Variants in TRAPPC12 observed in about 807,000 individuals in gnomAD.
TRAPPC12 encodes the protein TPR repeat protein 15.
TRAPPC12 carries 61 observed loss-of-function variants against 69.2 expected under a neutral mutation model. The observed-to-expected ratio is 0.88, with a 90% confidence interval of 0.72 to 1.09. The LOEUF (loss-of-function observed/expected upper bound fraction) is 1.09. Among genes scored for constraint, TRAPPC12 ranks in the 50% least tolerant of loss-of-function variants. The probability of loss-of-function intolerance (pLI) is 0.00; values close to 1 mark genes in which losing one functional copy is unlikely to be tolerated. For missense variants in TRAPPC12, 1,101 were observed against 1,016.4 expected, an observed-to-expected ratio of 1.08 and a Z score of -1.13; for synonymous variants, 469 against 438.9, an observed-to-expected ratio of 1.07 and a Z score of -0.86.
At chr2:3,476,038 CTT>C (rs1666279648) in intron 9 of TRAPPC12, among the ~76,000 whole-genome samples, 1 of 151,938 alleles carries the variant, frequency 6.6e-6, no homozygotes, top group Non-Finnish European at 1.5e-5. Context: ...CCTTCGGTTT[CTT>C]TTTAGTCCGC....
intron 7 of TRAPPC12, chr2:3,458,143 G>A: frequency 9.8e-7 from 1 of 1,015,392 alleles, no homozygotes; most frequent in Non-Finnish European, 1.2e-6. Flanking sequence ...CCTGGGGCAG[G>A]CTGAGGGACC....
chr2:3,479,141 G>A (rs13431788), intron 11 of TRAPPC12, 78 bp from the exon 12 acceptor site: 401,541 of 1,562,256 alleles, frequency 0.26, 53,059 homozygotes, highest in East Asian at 0.43. Context: ...CCCCTAACAC[G>A]GCCCAGCACG....
intron 1 of TRAPPC12, among the ~76,000 whole-genome samples, chr2:3,383,105 A>G (rs576988164): frequency 5.3e-5 from 8 of 152,172 alleles, no homozygotes; most frequent in African/African-American, 1.9e-4. Context: ...TACCTCTTTC[A>G]GCTCTGTTGC....
intron 1 of TRAPPC12, among the ~76,000 whole-genome samples, chr2:3,380,795 A>G (rs1660172546): frequency 6.6e-6 from 1 of 152,184 alleles, no homozygotes; most frequent in Non-Finnish European, 1.5e-5. Flanking sequence ...TAAAATGATA[A>G]TTACTATGCT....
intron 6 of TRAPPC12, among the ~76,000 whole-genome samples, chr2:3,447,719 C>A (rs1023568829): frequency 9.2e-5 from 14 of 152,238 alleles, no homozygotes; most frequent in African/African-American, 3.4e-4. Context: ...TAAAAGCCAG[C>A]CCACCACTAT....
At position 3,388,154 on chromosome 2, in the gene TRAPPC12, G is replaced by A. The variant is rs1241023786; in HGVS notation, c.531G>A (p.Pro177=). ...APPASGDGFE[P]QMVKSPSFGG... ...CAGCCTCCGGGGACGGCTTCGAGCC[G>A]CAGATGGTGAAGTCGCCCAGCTTCG... The change falls in exon 2 of 12, where the codon CCG becomes CCA. Residue 177 remains proline, a synonymous_variant. Coordinates refer to ENST00000324266, the MANE Select transcript of TRAPPC12 (RefSeq NM_016030.6). 3 of 1,605,100 alleles carry A rather than the reference G, an allele frequency of 1.9e-6. No individual in the cohort carries two copies. In the East Asian group the frequency reaches 6.8e-5, roughly 36 times the overall value.
chr2:3,448,319 T>C (rs1478458130), intron 6 of TRAPPC12, among the ~76,000 whole-genome samples: 11 of 152,204 alleles, frequency 7.2e-5, no homozygotes, highest in Admixed American at 5.9e-4. Context: ...ATTGTGGTTT[T>C]TTCCTCCAAA....
Position 3,387,882 on chromosome 2 carries a change from C to G in TRAPPC12, c.259C>G (p.Arg87Gly). The G allele has an allele frequency of 6.3e-7, 1 of 1,581,006 alleles. No homozygotes were observed. Among genetic ancestry groups the G allele is most frequent in the Non-Finnish European group, 8.6e-7 (1 of 1,160,750 alleles). ...NSEGDAGDLG[R>G]VRDEAEPGGE... ...CGAGGGCGACGCGGGCGACCTGGGC[C>G]GAGTGCGGGACGAAGCTGAGCCCGG... Residue 87 changes from arginine (R) to glycine (G), a missense_variant, in exon 2 of 12, where the codon CGA becomes GGA. By Grantham distance (125) the Arg-to-Gly change is moderately radical (BLOSUM62 -2). Transcript: ENST00000324266.
At chr2:3,436,076 G>C (rs528309621) in intron 5 of TRAPPC12, among the ~76,000 whole-genome samples, 6 of 152,160 alleles carry the variant, frequency 3.9e-5, no homozygotes, top group Non-Finnish European at 8.8e-5. Context: ...TGGAGGGCAG[G>C]CCCTGATGCA....
intron 2 of TRAPPC12, 61 bp from the exon 3 acceptor site, chr2:3,401,716 G>C: frequency 8.5e-7 from 1 of 1,175,016 alleles, no homozygotes; most frequent in Non-Finnish European, 1.2e-6. Flanking sequence ...TATGGGTTCT[G>C]GTTAGCTGAG....
chr2:3,462,614 C>T (rs10198978), intron 8 of TRAPPC12, among the ~76,000 whole-genome samples: 19,144 of 152,248 alleles, frequency 0.13, 3,357 homozygotes, highest in African/African-American at 0.39. Flanking sequence ...TGTATTCATA[C>T]GTTTTAGCCC....
intron 8 of TRAPPC12, among the ~76,000 whole-genome samples, chr2:3,463,405 C>A (rs892488180): frequency 8.6e-5 from 13 of 151,384 alleles, no homozygotes; most frequent in Non-Finnish European, 1.5e-4. Flanking sequence ...GGTGCAGGGG[C>A]CCCCGAGATC....
chr2:3,445,353 C>T (rs1222737231), intron 6 of TRAPPC12, among the ~76,000 whole-genome samples: 1 of 152,164 alleles, frequency 6.6e-6, no homozygotes, highest in Non-Finnish European at 1.5e-5. Context: ...CCACTGCACT[C>T]CAGTCTGGGC....
At chr2:3,478,213 G>A (rs749573757) in intron 10 of TRAPPC12, 17 of 161,418 alleles carry the variant, frequency 1.1e-4, no homozygotes, top group Non-Finnish European at 1.7e-4. Flanking sequence ...GCGAGTGCAC[G>A]TTCGTGAGGA....
intron 3 of TRAPPC12, among the ~76,000 whole-genome samples, chr2:3,411,443 A>T (rs1662053180): frequency 6.6e-6 from 1 of 152,228 alleles, no homozygotes; most frequent in African/African-American, 2.4e-5. Flanking sequence ...AAGTTCCTGT[A>T]TCTAAAAGAG....
chr2:3,470,798 T>C (rs1205066367), intron 9 of TRAPPC12, among the ~76,000 whole-genome samples: 2 of 151,840 alleles, frequency 1.3e-5, no homozygotes, highest in Non-Finnish European at 2.9e-5. Flanking sequence ...AGAGTGGAAA[T>C]AGAAAAAAAT....
At position 3,478,751 on chromosome 2, in the gene TRAPPC12, G is replaced by C. The variant is rs996761751; in HGVS notation, c.1878-95G>C. The C allele has an allele frequency of 1.1e-4, 115 of 1,067,112 alleles. No individual in the cohort carries two copies. In the African/African-American group the frequency reaches 1.7e-3, roughly 16 times the overall value. 66.1% of individuals were successfully genotyped at this position (1,067,112 alleles called of 1,614,324 possible). On this transcript the variant is annotated intron_variant, in intron 10 of 11. Coordinates refer to ENST00000324266, the MANE Select transcript of TRAPPC12 (RefSeq NM_016030.6). ...CCCGGGCCACACAGGGCCATACGCT[G>C]GGTCTCTGTGGGATCCAAAGCCCCT... is the stretch of plus-strand genomic sequence containing the variant.
Position 3,401,838 on chromosome 2 carries a change from A to G in TRAPPC12, c.1109A>G (p.Gln370Arg), listed in dbSNP as rs1661460993. 2 of 1,603,246 alleles carry G rather than the reference A, an allele frequency of 1.2e-6. No homozygotes were observed. The highest frequency in any genetic ancestry group is 1.3e-5 in the African/African-American group (1 of 74,590). ...FLGEKAAAKR[Q>R]VLNADSVEQS... ...GGTGAAAAAGCTGCAGCAAAGAGAC[A>G]AGTCCTAAATGCCGACTCAGTGGAA... Residue 370 changes from glutamine (Q) to arginine (R), a missense_variant, in exon 3 of 12, where the codon CAA (glutamine) becomes CGA (arginine). Coordinates refer to ENST00000324266, the MANE Select transcript of TRAPPC12 (RefSeq NM_016030.6).
chr2:3,382,130 C>CTTTTTTTT (rs70938942), intron 1 of TRAPPC12, among the ~76,000 whole-genome samples: 3 of 93,594 alleles, frequency 3.2e-5, no homozygotes, highest in East Asian at 2.8e-4. Context: ...TTTATTTCCA[C>CTTTTTTTT]TTTTTTTTTT....
Sources: gnomAD v4.1 joint callset for allele counts (sites outside exome capture counted in the v4.1 genomes callset) on GRCh38, gnomAD v4.1.1 for gene constraint, MANE v1.5 for transcripts, NCBI Gene and HGNC (gene_info 2026-07-23, HGNC 2026-07-21) for gene names.